The following DDX41 variants were observed in gnomAD, a reference collection of about 807,000 sequenced individuals.
DDX41 encodes the protein probable ATP-dependent RNA helicase DDX41.
In DDX41, 50 loss-of-function variants were observed where a neutral mutation model predicts 78.8. The ratio of observed to expected loss-of-function variants is 0.63; its 90% CI spans 0.51 to 0.80. DDX41 has a LOEUF of 0.80. DDX41 is among the 30% of genes least tolerant of loss of function. The probability of loss-of-function intolerance (pLI) is 0.00; values close to 1 mark genes in which losing one functional copy is unlikely to be tolerated. For missense variants in DDX41, 633 were observed against 849.2 expected, an observed-to-expected ratio of 0.75 and a Z score of 3.16; for synonymous variants, 381 against 321.5, an observed-to-expected ratio of 1.19 and a Z score of -1.98.
Position 177,513,589 on chromosome 5 carries a change from G to A in DDX41, c.1098+96C>T. 2 of 1,603,436 alleles carry A rather than the reference G, an allele frequency of 1.2e-6. No homozygotes were observed. The highest frequency in any genetic ancestry group is 3.3e-4 in the Middle Eastern group (2 of 6,018). On this transcript the variant is annotated intron_variant, in intron 10 of 16. Transcript: ENST00000330503. The surrounding 1 kb of genome is among the most constrained non-coding windows in gnomAD (Gnocchi z 4.6). ...AGACACAGCCCACAAAGTATGAGCAGTGGGTTGGGGTGGCCAGGGGCATGG... is the reference window on the plus strand; with the variant it reads ...AGACACAGCCCACAAAGTATGAGCAATGGGTTGGGGTGGCCAGGGGCATGG...
At position 177,514,555 on chromosome 5, in the gene DDX41, T is replaced by C; in HGVS notation, c.935+146A>G. 1 of 1,177,832 alleles carries C rather than the reference T, an allele frequency of 8.5e-7. No homozygotes were observed. 73.0% of individuals were successfully genotyped at this position (1,177,832 alleles called of 1,614,324 possible). On this transcript the variant is annotated intron_variant, in intron 9 of 16. Coordinates refer to ENST00000330503, the MANE Select transcript of DDX41 (RefSeq NM_016222.4). This position sits in a 1 kb window ranked among gnomAD's most constrained non-coding sequence, Gnocchi z 4.2. ...TCCCTCTGTCCTCCCCCAACTAACC[T>C]CCCCATTAGACTGGGAGCTCCTTGA...
In DDX41 at chr5:177,513,872, G is replaced by C. The variant is rs879118542; in HGVS notation, c.936-25C>G. 1.2e-6 allele frequency: 2 copies of C among 1,611,356 alleles called. No homozygotes were observed. Among genetic ancestry groups the C allele is most frequent in the South Asian group, 1.1e-5 (1 of 91,028 alleles). ...GCTGGGGACCAAGGAGAGACCCTGAGGTTGGGGCCACTGGCCTATCACCTA... is the reference window on the plus strand; with the variant it reads ...GCTGGGGACCAAGGAGAGACCCTGACGTTGGGGCCACTGGCCTATCACCTA... On this transcript the variant is annotated intron_variant, in intron 9 of 16. Coordinates refer to ENST00000330503, the MANE Select transcript of DDX41 (RefSeq NM_016222.4). This position sits in a 1 kb window ranked among gnomAD's most constrained non-coding sequence, Gnocchi z 4.6.
chr5:177,516,896 G>C (rs1464866485), intron 1 of DDX41, 23 bp downstream of exon 1: 1 of 1,613,302 alleles, frequency 6.2e-7, no homozygotes. Flanking sequence ...TCCCACACGC[G>C]CGGGGTCTCG....
Position 177,513,991 on chromosome 5 carries a change from C to T in DDX41, c.936-144G>A, listed in dbSNP as rs1337103682. 1.2e-6 allele frequency: 1 copy of T among 851,242 alleles called. No individual in the cohort carries two copies. The allele number at this position is 851,242 out of a possible 1,614,324, so 52.7% of individuals were successfully genotyped here. On this transcript the variant is annotated intron_variant, in intron 9 of 16. Coordinates refer to ENST00000330503, the MANE Select transcript of DDX41 (RefSeq NM_016222.4). This position sits in a 1 kb window ranked among gnomAD's most constrained non-coding sequence, Gnocchi z 4.6. ...CCTTCTCATCATTCCCACCACCTGC[C>T]CTATGTATAGCACACAGCTCTTTCC... is the stretch of plus-strand genomic sequence containing the variant.
rs1305034191 is a variant in DDX41, at chr5:177,515,184, AC to A, written c.644+1del. ...GACCCCAGGTCCACAGTCCACACTC[AC>A]ATGGTGGGGATGCCCTGGATCTGAA... On this transcript the variant is annotated splice_donor_variant, in intron 7 of 16. Coordinates refer to ENST00000330503, the MANE Select transcript of DDX41 (RefSeq NM_016222.4). LOFTEE classifies it high-confidence loss of function. 1 of 1,613,922 alleles carries A rather than the reference AC, an allele frequency of 6.2e-7. No homozygotes were observed. The highest frequency in any genetic ancestry group is 2.2e-5 in the East Asian group (1 of 44,882).
intron 6 of DDX41, 150 bp from the exon 7 acceptor site, chr5:177,515,408 AAAG>A (rs1561734529): frequency 3.1e-6 from 3 of 982,278 alleles, no homozygotes; most frequent in Non-Finnish European, 4.7e-6. Context: ...AAAAAGAAAA[AAAG>A]AGACTTGTCC....
At position 177,516,722 on chromosome 5, in the gene DDX41, C is replaced by T. The variant is rs1243314761; in HGVS notation, c.138+3G>A. On this transcript the variant is annotated splice_donor_region_variant and intron_variant, in intron 2 of 16. Coordinates refer to ENST00000330503, the MANE Select transcript of DDX41 (RefSeq NM_016222.4). ...CATCCCTCCCCGGACGCGTGCCCCTCACCAGTAGCTGCCGGCGCTGCCGTA... is the reference window on the plus strand; with the variant it reads ...CATCCCTCCCCGGACGCGTGCCCCTTACCAGTAGCTGCCGGCGCTGCCGTA... 6.3e-7 allele frequency: 1 copy of T among 1,593,860 alleles called. No individual in the cohort carries two copies. The highest frequency in any genetic ancestry group is 1.7e-5 in the Admixed American group (1 of 57,640).
Position 177,515,759 on chromosome 5 carries a change from T to C in DDX41, c.497A>G (p.Lys166Arg), listed in dbSNP as rs1482033656. The C allele has an allele frequency of 6.2e-7, 1 of 1,614,088 alleles. No individual in the cohort carries two copies. The highest frequency in any genetic ancestry group is 1.3e-5 in the African/African-American group (1 of 74,942). The change falls in exon 6 of 17, where the codon AAA becomes AGA. Residue 166 changes from lysine to arginine, a missense_variant. Physicochemically the swap from Lys to Arg is conservative, Grantham distance 26 (BLOSUM62 2). Transcript: ENST00000330503. Reference sequence around the variant, plus strand: ...GTCTCCCTCCACCAGGATGTGGTATTTCTTCCGCACGCGCTCATGTCGCTC... The same window carrying C: ...GTCTCCCTCCACCAGGATGTGGTATCTCTTCCGCACGCGCTCATGTCGCTC... Reference protein sequence around the residue: ...SEERHERVRKKYHILVEGDGI... With the variant: ...SEERHERVRKRYHILVEGDGI...
intron 6 of DDX41, 108 bp from the exon 7 acceptor site, chr5:177,515,366 G>A (rs746588347): frequency 2.0e-5 from 23 of 1,130,716 alleles, no homozygotes; most frequent in Admixed American, 8.9e-5. Flanking sequence ...ATGAAACTGA[G>A]GCTCAGAGAG....
rs758235844 is a variant in DDX41, at chr5:177,515,708, A to T, written c.548T>A (p.Phe183Tyr). ...ACCTGCAGGAAACTTCATTTCCTTG[A>T]AGCTCTTGATGGGTGGTGGGATACC... Reference protein sequence around the residue: ...GDGIPPPIKSFKEMKFPAAIL... With the variant: ...GDGIPPPIKSYKEMKFPAAIL... Residue 183 changes from phenylalanine (F) to tyrosine (Y), a missense_variant, in exon 6 of 17, where the codon TTC (phenylalanine) becomes TAC (tyrosine). By Grantham distance (22) the Phe-to-Tyr change is conservative. Around this residue, in one of 6 missense-constraint regions of DDX41, gnomAD observed 126 missense variants for 115.5 expected, o/e 1.09. Coordinates refer to ENST00000330503, the MANE Select transcript of DDX41 (RefSeq NM_016222.4). 6.2e-7 allele frequency: 1 copy of T among 1,614,104 alleles called. No individual in the cohort carries two copies. The highest frequency in any genetic ancestry group is 1.6e-4 in the Middle Eastern group (1 of 6,062).
rs1236987336 is a variant in DDX41, at chr5:177,512,353, G to A, written c.1590C>T (p.Gly530=). ...CTTTGTTGATGAAGGTAGTGGCGAT[G>A]CCTGTGTTTCCCGAGCGCCCGGTGC... is the stretch of plus-strand genomic sequence containing the variant. The part of the protein sequence containing the change: ...IGRTGRSGNT[G]IATTFINKAC... The change falls in exon 15 of 17, where the codon GGC becomes GGT. Residue 530 remains glycine (G), a synonymous_variant. Coordinates refer to ENST00000330503, the MANE Select transcript of DDX41 (RefSeq NM_016222.4). 2.5e-6 allele frequency: 4 copies of A among 1,614,074 alleles called. No individual in the cohort carries two copies. Among genetic ancestry groups the A allele is most frequent in the Non-Finnish European group, 3.4e-6 (4 of 1,180,012 alleles).
At chr5:177,515,350 C>CAACTTGT in intron 6 of DDX41, 92 bp from the exon 7 acceptor site, 1 of 1,254,124 alleles carries the variant, frequency 8.0e-7, no homozygotes, top group Non-Finnish European at 1.2e-6. Context: ...CTACAAGTTG[C>CAACTTGT]AGATGATGAA....
Position 177,512,884 on chromosome 5 carries a change from GA to G in DDX41, c.1303-9del. On this transcript the variant is annotated splice_polypyrimidine_tract_variant and intron_variant, in intron 12 of 16. Coordinates refer to ENST00000330503, the MANE Select transcript of DDX41 (RefSeq NM_016222.4). ...CTCTGCAAAGATGAGTACCTGTCCGGAAAGACCAACTCCAGTCAGGGGCTAA... is the reference window on the plus strand; with the variant it reads ...CTCTGCAAAGATGAGTACCTGTCCGGAAGACCAACTCCAGTCAGGGGCTAA... 1 of 1,613,596 alleles carries G rather than the reference GA, an allele frequency of 6.2e-7. No homozygotes were observed. Among genetic ancestry groups the G allele is most frequent in the South Asian group, 1.1e-5 (1 of 91,060 alleles).
At position 177,513,129 on chromosome 5, in the gene DDX41, C is replaced by T. The variant is rs988458076; in HGVS notation, c.1231-47G>A. The T allele has an allele frequency of 1.9e-6, 3 of 1,587,534 alleles. No homozygotes were observed. In the African/African-American group the frequency reaches 4.0e-5, roughly 21 times the overall value. ...CAGGTGATCTTGAGATTAGGCTTAC[C>T]CGCCACAGCCCTGCCATGGCCCGTC... On this transcript the variant is annotated intron_variant, in intron 11 of 16. Transcript: ENST00000330503. The surrounding 1 kb of genome is among the most constrained non-coding windows in gnomAD (Gnocchi z 4.6).
chr5:177,514,569 G>C lies in DDX41; in HGVS notation c.935+132C>G, dbSNP rs1213946487. The C allele has an allele frequency of 1.1e-5, 14 of 1,286,674 alleles. No homozygotes were observed. The highest frequency in any genetic ancestry group is 1.5e-5 in the Non-Finnish European group (14 of 937,758). 79.7% of individuals were successfully genotyped at this position (1,286,674 alleles called of 1,614,324 possible). On this transcript the variant is annotated intron_variant, in intron 9 of 16. Coordinates refer to ENST00000330503, the MANE Select transcript of DDX41 (RefSeq NM_016222.4). The surrounding 1 kb of genome is among the most constrained non-coding windows in gnomAD (Gnocchi z 4.2). The stretch of plus-strand genomic sequence containing the variant: ...CCCAACTAACCTCCCCATTAGACTG[G>C]GAGCTCCTTGAGGGTCGCACTCACA...
chr5:177,516,143 G>A lies in DDX41; in HGVS notation c.349C>T (p.Leu117=), dbSNP rs756461797. ...CCTCGGCCCTCGGCAACACTCTCCAGGATCTTCTCTTCTTCCTTCAGCTGC... is the reference window on the plus strand; with the variant it reads ...CCTCGGCCCTCGGCAACACTCTCCAAGATCTTCTCTTCTTCCTTCAGCTGC... ...EKQLKEEEKI[L]ESVAEGRALM... The change falls in exon 4 of 17, where the codon CTG becomes TTG. Residue 117 remains leucine (L), a synonymous_variant. Transcript: ENST00000330503. 5.0e-6 allele frequency: 8 copies of A among 1,614,018 alleles called. No individual in the cohort carries two copies. In the South Asian group the frequency reaches 5.5e-5, roughly 11 times the overall value.
intron 2 of DDX41, 63 bp downstream of exon 2, chr5:177,516,662 C>T (rs749588725): frequency 9.9e-6 from 15 of 1,517,734 alleles, no homozygotes; most frequent in South Asian, 1.2e-5. Context: ...AGGCCGAGGC[C>T]ACGCCCGCCC....
intron 6 of DDX41, 130 bp from the exon 7 acceptor site, chr5:177,515,388 GT>G (rs1761178509): frequency 2.0e-6 from 2 of 989,062 alleles, no homozygotes; most frequent in Admixed American, 2.1e-5. Context: ...GAGAGAGAGA[GT>G]GGAAAAAAAA....
rs1407668912 is a variant in DDX41, at chr5:177,515,076, G to C, written c.645-7C>G. ...CATGTCACGGCCAGATAGACTGTTG[G>C]GAGAGGATGACCCGAGGGCCAATTT... On this transcript the variant is annotated splice_region_variant and splice_polypyrimidine_tract_variant and intron_variant, in intron 7 of 16. Transcript: ENST00000330503. 2.0e-5 allele frequency: 32 copies of C among 1,612,166 alleles called. No individual in the cohort carries two copies. Among genetic ancestry groups the C allele is most frequent in the Non-Finnish European group, 2.7e-5 (32 of 1,178,366 alleles).
Sources: allele counts gnomAD v4.1 joint callset, GRCh38; gene constraint gnomAD v4.1.1; regional missense constraint gnomAD v4.1.1; non-coding constraint Gnocchi (gnomAD v3.1); transcripts MANE v1.5; gene names NCBI Gene and HGNC (gene_info 2026-07-23, HGNC 2026-07-21).